Variants in MICAL2 observed in about 807,000 individuals in gnomAD.
MICAL2 encodes the protein [F-actin]-monooxygenase MICAL2.
A neutral mutation model predicts 127.3 loss-of-function variants in MICAL2; 77 were observed. That is an observed-to-expected ratio of 0.60 (90% CI 0.50 to 0.73). MICAL2 has a LOEUF of 0.73. Ranked by LOEUF, MICAL2 falls within the 30% of genes least tolerant of loss-of-function variation. The pLI, the probability that MICAL2 is intolerant of heterozygous loss-of-function variation, is 0.00. For missense variants in MICAL2, 1,351 were observed against 1,434.4 expected, an observed-to-expected ratio of 0.94 and a Z score of 0.94; for synonymous variants, 570 against 551.1, an observed-to-expected ratio of 1.03 and a Z score of -0.48.
chr11:12,260,306 C>T, intron 26 of MICAL2: 1 of 1,425,416 alleles, frequency 7.0e-7, no homozygotes, highest in Non-Finnish European at 9.1e-7. Flanking sequence ...AAGAATTTCA[C>T]ATGGGCCACC....
intron 3 of MICAL2, among the ~76,000 whole-genome samples, chr11:12,186,537 T>G (rs2133987267): frequency 6.6e-6 from 1 of 152,320 alleles, no homozygotes; most frequent in East Asian, 1.9e-4. Flanking sequence ...TAGACAATTT[T>G]TAAAAAAAGA....
intron 3 of MICAL2, among the ~76,000 whole-genome samples, chr11:12,179,668 G>A (rs1857211859): frequency 6.6e-6 from 1 of 152,166 alleles, no homozygotes; most frequent in Non-Finnish European, 1.5e-5. Flanking sequence ...CAGTGCTCCT[G>A]ACTTCAGGCT....
chr11:12,127,172 T>G (rs904200892), intron 1 of MICAL2, among the ~76,000 whole-genome samples: 2 of 152,090 alleles, frequency 1.3e-5, no homozygotes, highest in African/African-American at 4.8e-5. Context: ...CTTGTAAATC[T>G]CAGGAAGATA....
chr11:12,349,993 G>A (rs1939020533), intron 33 of MICAL2: 1 of 1,479,044 alleles, frequency 6.8e-7, no homozygotes, highest in East Asian at 2.3e-5. Flanking sequence ...GCAAAGGGGG[G>A]TGGCTTACCC....
intron 3 of MICAL2, among the ~76,000 whole-genome samples, chr11:12,168,964 GAAAA>G (rs67465822): frequency 0.65 from 77,634 of 119,774 alleles, 23,267 homozygotes; most frequent in South Asian, 0.75. Flanking sequence ...AAAAAAAAAA[GAAAA>G]GAAAAGAAAA....
At chr11:12,219,035 T>C (rs1856507839) in intron 8 of MICAL2, among the ~76,000 whole-genome samples, 1 of 152,200 alleles carries the variant, frequency 6.6e-6, no homozygotes. Flanking sequence ...GGTTTTGATA[T>C]TCCCTTTTTA....
chr11:12,265,005 A>G (rs116861491), downstream of MICAL2, among the ~76,000 whole-genome samples: 69 of 152,320 alleles, frequency 4.5e-4, 1 homozygote, highest in East Asian at 6.0e-3. Flanking sequence ...CTGAGCATCT[A>G]CTATGTACTA....
chr11:12,122,749 C>T (rs1214141982), intron 1 of MICAL2, among the ~76,000 whole-genome samples: 3 of 152,188 alleles, frequency 2.0e-5, no homozygotes, highest in Non-Finnish European at 4.4e-5. Context: ...TCAGTCAAAG[C>T]ACCTGTGTGT....
At chr11:12,343,901 A>G (rs1938910960) in intron 32 of MICAL2, among the ~76,000 whole-genome samples, 2 of 152,230 alleles carry the variant, frequency 1.3e-5, no homozygotes, top group Admixed American at 6.5e-5. Context: ...GGAAAAAATG[A>G]GAGAGCTGTA....
exon 34 of MICAL2, chr11:12,354,814 A>G (rs1939106885): frequency 1.2e-6 from 2 of 1,614,094 alleles, no homozygotes; most frequent in East Asian, 4.5e-5. Context: ...AAGATCATCA[A>G]AGCAGACTGG....
chr11:12,268,834 CA>C (rs59677738), intron 24 of MICAL2, among the ~76,000 whole-genome samples: 92,304 of 143,840 alleles, frequency 0.64, 30,122 homozygotes, highest in South Asian at 0.74. Context: ...ACTAAAAATA[CA>C]AAAAAAAAAA....
At chr11:12,167,916 C>T (rs567096782) in intron 3 of MICAL2, among the ~76,000 whole-genome samples, 1 of 152,252 alleles carries the variant, frequency 6.6e-6, no homozygotes, top group South Asian at 2.1e-4. Flanking sequence ...AAAAACTTTC[C>T]TTTTTAGCTG....
chr11:12,266,462 A>G (rs542893622), downstream of MICAL2, among the ~76,000 whole-genome samples: 1 of 152,376 alleles, frequency 6.6e-6, no homozygotes, highest in East Asian at 1.9e-4. Context: ...AGGCTTAAGT[A>G]AGTAAAAGAA....
chr11:12,172,812 T>C (rs1266383917), intron 3 of MICAL2, among the ~76,000 whole-genome samples: 1 of 151,926 alleles, frequency 6.6e-6, no homozygotes, highest in Non-Finnish European at 1.5e-5. Flanking sequence ...TGGTGCAAAC[T>C]TCCCGAGGCC....
At chr11:12,329,110 A>G (rs1864385952) in intron 32 of MICAL2, among the ~76,000 whole-genome samples, 1 of 152,256 alleles carries the variant, frequency 6.6e-6, no homozygotes, top group South Asian at 2.1e-4. Flanking sequence ...TGTAATATCC[A>G]TAGCCAGTGC....
chr11:12,215,636 G>C (rs1292127262), intron 7 of MICAL2, among the ~76,000 whole-genome samples: 2 of 152,234 alleles, frequency 1.3e-5, no homozygotes, highest in Non-Finnish European at 2.9e-5. Context: ...GCACAGCATG[G>C]TTTTAAATGC....
intron 33 of MICAL2, among the ~76,000 whole-genome samples, chr11:12,351,071 G>A (rs1251991542): frequency 6.6e-6 from 1 of 152,102 alleles, no homozygotes; most frequent in Non-Finnish European, 1.5e-5. Flanking sequence ...ATTGGGTTTA[G>A]GACCCACTGA....
chr11:12,166,888 C>G (rs905797624), intron 3 of MICAL2, among the ~76,000 whole-genome samples: 2 of 151,662 alleles, frequency 1.3e-5, no homozygotes, highest in African/African-American at 4.8e-5. Flanking sequence ...GAGAAAACAG[C>G]TAAAGGGAGT....
chr11:12,275,004 G>A (rs1863709431), upstream of MICAL2, among the ~76,000 whole-genome samples: 1 of 152,024 alleles, frequency 6.6e-6, no homozygotes, highest in Admixed American at 6.6e-5. Context: ...ACCAGGAGTG[G>A]GAAGCAGAGA....
Sources: allele counts gnomAD v4.1 joint callset (sites outside exome capture counted in the v4.1 genomes callset), GRCh38; gene constraint gnomAD v4.1.1; transcripts MANE v1.5; gene names NCBI Gene and HGNC (gene_info 2026-07-23, HGNC 2026-07-21).